Variants in EBAG9 observed in about 807,000 individuals in gnomAD.
EBAG9 encodes the protein receptor-binding cancer antigen expressed on SiSo cells.
A neutral mutation model predicts 30.9 loss-of-function variants in EBAG9; 16 were observed. The ratio of observed to expected loss-of-function variants is 0.52; its 90% CI spans 0.35 to 0.79. The LOEUF is 0.79. Among genes scored for constraint, EBAG9 ranks in the 30% least tolerant of loss-of-function variants. The probability of loss-of-function intolerance (pLI) is 0.01; values close to 1 mark genes in which losing one functional copy is unlikely to be tolerated. For missense variants in EBAG9, 197 were observed against 242.1 expected, an observed-to-expected ratio of 0.81 and a Z score of 1.24; for synonymous variants, 93 against 82.8, an observed-to-expected ratio of 1.12 and a Z score of -0.67.
chr8:109,556,142 A>T (rs1373409393), intron 4 of EBAG9, among the ~76,000 whole-genome samples: 2 of 152,048 alleles, frequency 1.3e-5, no homozygotes, highest in Non-Finnish European at 2.9e-5. Context: ...TCACTTTCTT[A>T]TTCAAACATA....
chr8:109,545,269 C>A (rs1345254620), intron 1 of EBAG9, among the ~76,000 whole-genome samples: 2 of 132,300 alleles, frequency 1.5e-5, no homozygotes, highest in East Asian at 2.4e-4. Flanking sequence ...TTGCGGTGAG[C>A]TGAGATTGCA....
At chr8:109,561,586 T>C (rs1821711708) in intron 6 of EBAG9, among the ~76,000 whole-genome samples, 1 of 152,106 alleles carries the variant, frequency 6.6e-6, no homozygotes, top group Non-Finnish European at 1.5e-5. Context: ...AGTGACTGAT[T>C]ACTGCTTTTT....
At chr8:109,554,516 A>C (rs1397542075) in intron 3 of EBAG9, among the ~76,000 whole-genome samples, 1 of 152,194 alleles carries the variant, frequency 6.6e-6, no homozygotes, top group Non-Finnish European at 1.5e-5. Context: ...GATGGACATA[A>C]TAGAATAAAA....
At chr8:109,555,598 C>T (rs559067267) in intron 4 of EBAG9, among the ~76,000 whole-genome samples, 110 of 152,244 alleles carry the variant, frequency 7.2e-4, no homozygotes, top group Non-Finnish European at 1.3e-3. Flanking sequence ...CAAGTTTGTA[C>T]TTCAGTAATA....
chr8:109,565,872 C>G lies in EBAG9; in HGVS notation c.*1313C>G, dbSNP rs2131141369. On this transcript the variant is annotated 3_prime_UTR_variant, in exon 7 of 7. Transcript: ENST00000337573. ...TAAGCCCTTAGCCTAAGCTTTCAGA[C>G]TAAATGTGATTATAGAATAAGATGA... 6.6e-6 allele frequency: 1 copy of G among 152,162 alleles called. No individual in the cohort carries two copies. Among genetic ancestry groups the G allele is most frequent in the Non-Finnish European group, 1.5e-5 (1 of 67,944 alleles). The allele number at this position is 152,162 out of a possible 1,614,324, so 9.4% of individuals were successfully genotyped here.
chr8:109,558,944 A>G lies in EBAG9; in HGVS notation c.430-1894A>G, dbSNP rs955697393. On this transcript the variant is annotated intron_variant, in intron 5 of 6. Coordinates refer to ENST00000337573, the MANE Select transcript of EBAG9 (RefSeq NM_004215.5). ...AGTTTTTATGTAGACAAATCTATCA[A>G]TGGTTTCCCCCTTTTCCTTTTTACT... Among the ~76,000 whole-genome samples, 9 of 152,218 alleles carry G rather than the reference A, an allele frequency of 5.9e-5. No individual in the cohort carries two copies. The South Asian group carries it at 1.0e-3, about 18-fold the overall frequency.
chr8:109,542,068 C>T (rs944827063), intron 1 of EBAG9, among the ~76,000 whole-genome samples: 3 of 152,106 alleles, frequency 2.0e-5, no homozygotes, highest in Admixed American at 1.3e-4. Context: ...GTGTTTAATT[C>T]AATGAAACAA....
intron 1 of EBAG9, among the ~76,000 whole-genome samples, chr8:109,548,414 T>C (rs1408899321): frequency 6.6e-6 from 1 of 152,182 alleles, no homozygotes; most frequent in Admixed American, 6.5e-5. Context: ...TGAAACCAGA[T>C]AGTGCTAGCT....
chr8:109,550,335 C>T (rs913614889), intron 1 of EBAG9: 1 of 153,198 alleles, frequency 6.5e-6, no homozygotes, highest in Non-Finnish European at 1.5e-5. Flanking sequence ...TTTCAATTTA[C>T]TAGCTATGTG....
chr8:109,548,986 T>G (rs1020354074), intron 1 of EBAG9, among the ~76,000 whole-genome samples: 1 of 151,390 alleles, frequency 6.6e-6, no homozygotes, highest in Non-Finnish European at 1.5e-5. Context: ...GTTCATGATC[T>G]TAGGGAGAAA....
chr8:109,542,746 G>A (rs1230572122), intron 1 of EBAG9, among the ~76,000 whole-genome samples: 1 of 151,882 alleles, frequency 6.6e-6, no homozygotes, highest in African/African-American at 2.4e-5. Context: ...TTTTTTTCAA[G>A]TCTTACTTTG....
intron 6 of EBAG9, chr8:109,563,422 T>G: frequency 3.1e-6 from 5 of 1,597,592 alleles, no homozygotes; most frequent in Non-Finnish European, 4.2e-6. Context: ...ATGTTTACTC[T>G]GCTCTCTCCT....
In EBAG9 at chr8:109,565,184, TC is replaced by T. The variant is rs1821802772; in HGVS notation, c.*626del. 2 of 152,690 alleles carry T rather than the reference TC, an allele frequency of 1.3e-5. No individual in the cohort carries two copies. The highest frequency in any genetic ancestry group is 4.8e-5 in the African/African-American group (2 of 41,574). 9.5% of individuals were successfully genotyped at this position (152,690 alleles called of 1,614,324 possible). Reference sequence around the variant, plus strand: ...ATAAACATTTTGTACATCATTATTTTCTTTTGGATTAGTGTTGTCATACATG... The same window carrying T: ...ATAAACATTTTGTACATCATTATTTTTTTTGGATTAGTGTTGTCATACATG... On this transcript the variant is annotated 3_prime_UTR_variant, in exon 7 of 7. Transcript: ENST00000337573.
At chr8:109,555,275 T>C (rs1821576350) in intron 4 of EBAG9, among the ~76,000 whole-genome samples, 1 of 152,108 alleles carries the variant, frequency 6.6e-6, no homozygotes, top group Non-Finnish European at 1.5e-5. Flanking sequence ...AGAATGATGG[T>C]TTCCATCTTC....
At chr8:109,557,551 C>A (rs979626121) in intron 5 of EBAG9, among the ~76,000 whole-genome samples, 1 of 152,138 alleles carries the variant, frequency 6.6e-6, no homozygotes, top group Admixed American at 6.5e-5. Context: ...CCAGACCCCT[C>A]CCTACCTAAG....
At chr8:109,556,473 G>A (rs1373622961) in intron 4 of EBAG9, among the ~76,000 whole-genome samples, 2 of 152,070 alleles carry the variant, frequency 1.3e-5, no homozygotes, top group Non-Finnish European at 2.9e-5. Flanking sequence ...TATTGCTATA[G>A]TGCCTTATTA....
chr8:109,545,254 G>A (rs1459163056), intron 1 of EBAG9, among the ~76,000 whole-genome samples: 3 of 148,406 alleles, frequency 2.0e-5, no homozygotes, highest in South Asian at 4.3e-4. Flanking sequence ...CCCGGGAAGC[G>A]GAAGTTGCGG....
At chr8:109,539,795 G>C (rs1405701615), upstream of EBAG9, 1 of 152,276 alleles carries the variant, frequency 6.6e-6, no homozygotes, top group Non-Finnish European at 1.5e-5. Flanking sequence ...GCGGGGCTGG[G>C]AGTGAGCGGG....
chr8:109,549,561 T>G (rs73700650), intron 1 of EBAG9, among the ~76,000 whole-genome samples: 1,972 of 152,142 alleles, frequency 0.013, 43 homozygotes, highest in African/African-American at 0.045. Context: ...GATATATAGA[T>G]TTTCAGGTTG....
Sources: allele counts gnomAD v4.1 joint callset (sites outside exome capture counted in the v4.1 genomes callset), GRCh38; gene constraint gnomAD v4.1.1; transcripts MANE v1.5; gene names NCBI Gene and HGNC (gene_info 2026-07-23, HGNC 2026-07-21).